Variants in FSHR observed in about 807,000 individuals in gnomAD.
FSHR encodes the protein follicle stimulating hormone receptor.
Under a neutral mutation model 52.1 loss-of-function variants are expected in FSHR, and 46 were observed. The observed-to-expected ratio is 0.88, with a 90% CI of 0.70 to 1.13. The LOEUF (loss-of-function observed/expected upper bound fraction) is 1.13, where lower values mean the gene tolerates loss of function less well. Among genes scored for constraint, FSHR ranks in the 50% most tolerant of loss-of-function variants. The pLI, the probability that FSHR is intolerant of heterozygous loss-of-function variation, is 0.00. For synonymous variants in FSHR, 399 were observed against 309.6 expected, an observed-to-expected ratio of 1.29 and a Z score of -3.03; for missense variants, 964 against 834.6, an observed-to-expected ratio of 1.16 and a Z score of -1.91.
intron 4 of FSHR, among the ~76,000 whole-genome samples, chr2:49,011,171 T>A (rs1469603069): frequency 6.6e-6 from 1 of 151,396 alleles, no homozygotes; most frequent in East Asian, 1.9e-4. Flanking sequence ...CATTTAGTGC[T>A]ATAAATTTCC....
At chr2:48,984,265 A>G (rs901009181) in intron 6 of FSHR, among the ~76,000 whole-genome samples, 9 of 152,150 alleles carry the variant, frequency 5.9e-5, no homozygotes, top group African/African-American at 2.2e-4. Context: ...TAAAACATTC[A>G]CAATCAATTG....
rs755003829 is a variant in FSHR, at chr2:48,963,696, C to T, written c.1125G>A (p.Leu375=). Residue 375 remains leucine, a synonymous_variant, in exon 10 of 10, where the codon CTG becomes CTA. Coordinates refer to ENST00000406846, the MANE Select transcript of FSHR (RefSeq NM_000145.4). ...GCACTATGATGTTCCCAGTGATGGCCAGGATGCTGATAAACCATATCAGGA... is the reference window on the plus strand; with the variant it reads ...GCACTATGATGTTCCCAGTGATGGCTAGGATGCTGATAAACCATATCAGGA... ...LRVLIWFISI[L]AITGNIIVLV... The T allele has an allele frequency of 9.3e-6, 15 of 1,614,166 alleles. No homozygotes were observed. In the South Asian group the frequency reaches 1.4e-4, roughly 15 times the overall value.
chr2:48,993,619 C>T (rs1200212955), intron 4 of FSHR, among the ~76,000 whole-genome samples: 1 of 152,144 alleles, frequency 6.6e-6, no homozygotes, highest in Non-Finnish European at 1.5e-5. Context: ...GATTGTTTTA[C>T]TCCTTTGCTG....
intron 1 of FSHR, among the ~76,000 whole-genome samples, chr2:49,117,559 G>T (rs1224864068): frequency 6.6e-6 from 1 of 152,182 alleles, no homozygotes; most frequent in African/African-American, 2.4e-5. Context: ...GAAGACTGGG[G>T]TTTTATTCCA....
At chr2:49,051,918 G>T (rs1668874227) in intron 2 of FSHR, among the ~76,000 whole-genome samples, 1 of 152,050 alleles carries the variant, frequency 6.6e-6, no homozygotes, top group Non-Finnish European at 1.5e-5. Context: ...TGGATACAAA[G>T]TTGATTCAGC....
At chr2:48,968,384 G>A (rs924567320) in intron 9 of FSHR, among the ~76,000 whole-genome samples, 2 of 152,192 alleles carry the variant, frequency 1.3e-5, no homozygotes, top group Non-Finnish European at 1.5e-5. Context: ...ATGGTACAAA[G>A]GAAAGAGGGA....
intron 1 of FSHR, among the ~76,000 whole-genome samples, chr2:49,145,794 A>T (rs1672849213): frequency 1.3e-5 from 2 of 152,082 alleles, no homozygotes; most frequent in South Asian, 4.1e-4. Context: ...TTGAACATAT[A>T]TAATTAATAA....
At chr2:49,002,105 T>G (rs935987452) in intron 4 of FSHR, among the ~76,000 whole-genome samples, 2 of 152,136 alleles carry the variant, frequency 1.3e-5, no homozygotes, top group Non-Finnish European at 2.9e-5. Context: ...GCTTCTGGTC[T>G]GTAAAATGGA....
Position 49,049,519 on chromosome 2 carries a change from G to A in FSHR, c.224+18700C>T, listed in dbSNP as rs76318746. 2.8e-4 allele frequency among the ~76,000 whole-genome samples: 43 copies of A among 152,116 alleles called. No homozygotes were observed. In the East Asian group the frequency reaches 7.7e-3, roughly 27 times the overall value. On this transcript the variant is annotated intron_variant, in intron 2 of 9. Transcript: ENST00000406846. ...AGTATCAAATGGCCAAGAGGGTGGG[G>A]GATATTAGAGATGAGAGATGTAAAT... is the stretch of plus-strand genomic sequence containing the variant.
At chr2:49,034,722 C>G (rs182085677) in intron 2 of FSHR, among the ~76,000 whole-genome samples, 156 of 152,260 alleles carry the variant, frequency 1.0e-3, no homozygotes, top group Middle Eastern at 3.4e-3. Context: ...CGATTCCCTG[C>G]CCCATTCTGT....
Position 48,963,645 on chromosome 2 carries a change from A to G in FSHR, c.1176T>C (p.Tyr392=). 1 of 1,614,158 alleles carries G rather than the reference A, an allele frequency of 6.2e-7. No individual in the cohort carries two copies. Among genetic ancestry groups the G allele is most frequent in the Non-Finnish European group, 8.5e-7 (1 of 1,179,996 alleles). The change falls in exon 10 of 10, where the codon TAT becomes TAC. Residue 392 remains tyrosine (Y), a synonymous_variant. Coordinates refer to ENST00000406846, the MANE Select transcript of FSHR (RefSeq NM_000145.4). ...TAAGGAACCTGGGGACTGTGAGTTT[A>G]TATTGGCTGGTAGTTAGGATCACTA... ...IVLVILTTSQ[Y]KLTVPRFLMC...
At chr2:49,004,773 C>G (rs1368606933) in intron 4 of FSHR, among the ~76,000 whole-genome samples, 1 of 152,138 alleles carries the variant, frequency 6.6e-6, no homozygotes, top group Non-Finnish European at 1.5e-5. Flanking sequence ...GCTTTTCACC[C>G]AGTCCTCTCT....
chr2:49,024,047 A>G (rs1158164523), intron 2 of FSHR, among the ~76,000 whole-genome samples: 3 of 152,142 alleles, frequency 2.0e-5, no homozygotes, highest in Non-Finnish European at 2.9e-5. Flanking sequence ...AGTCATATTA[A>G]TTTGTTCACC....
intron 1 of FSHR, among the ~76,000 whole-genome samples, chr2:49,102,950 AT>A: frequency 6.6e-6 from 1 of 151,926 alleles, no homozygotes; most frequent in South Asian, 2.1e-4. Flanking sequence ...GTGTTTCTCG[AT>A]TTTTTTCTCC....
intron 2 of FSHR, among the ~76,000 whole-genome samples, chr2:49,042,274 C>A (rs1050681153): frequency 2.0e-5 from 3 of 152,166 alleles, no homozygotes; most frequent in Non-Finnish European, 4.4e-5. Flanking sequence ...GACATTAAAC[C>A]TGTGGCTGGT....
chr2:49,075,688 C>T (rs1270346445), intron 1 of FSHR, among the ~76,000 whole-genome samples: 1 of 152,022 alleles, frequency 6.6e-6, no homozygotes, highest in Non-Finnish European at 1.5e-5. Flanking sequence ...AGTGCAGTGG[C>T]ATAATCATGG....
Position 48,962,725 on chromosome 2 carries a change from A to G in FSHR, c.*8T>C. ...ATTCAATACTCAGATACATTTTCAC[A>G]TTGTGTTTTAGTTTTGGGCTAAATG... is the stretch of plus-strand genomic sequence containing the variant. On this transcript the variant is annotated 3_prime_UTR_variant, in exon 10 of 10. Transcript: ENST00000406846. 1.9e-6 allele frequency: 3 copies of G among 1,612,044 alleles called. No individual in the cohort carries two copies. The highest frequency in any genetic ancestry group is 1.7e-6 in the Non-Finnish European group (2 of 1,178,164).
intron 1 of FSHR, among the ~76,000 whole-genome samples, chr2:49,089,113 AT>A: frequency 6.6e-6 from 1 of 151,366 alleles, no homozygotes; most frequent in Admixed American, 6.6e-5. Flanking sequence ...ATAATATAAT[AT>A]TTATTTATAT....
chr2:48,992,163 T>C (rs1465281137), intron 4 of FSHR, among the ~76,000 whole-genome samples: 8 of 152,190 alleles, frequency 5.3e-5, no homozygotes, highest in Middle Eastern at 3.2e-3. Flanking sequence ...TTGAAGGATT[T>C]GTTGTGTTGT....
Sources: allele counts gnomAD v4.1 joint callset (sites outside exome capture counted in the v4.1 genomes callset), GRCh38; gene constraint gnomAD v4.1.1; transcripts MANE v1.5; gene names NCBI Gene and HGNC (gene_info 2026-07-23, HGNC 2026-07-21).